ANK2: variants seen among roughly 807,000 people sequenced by gnomAD.
The protein encoded by ANK2 is ankyrin 2.
In ANK2, 83 loss-of-function variants were observed where a neutral mutation model predicts 360.5. That is an observed-to-expected ratio of 0.23 (90% CI 0.19 to 0.28). ANK2 has a LOEUF of 0.28. Among genes scored for constraint, ANK2 ranks in the 10% least tolerant of loss-of-function variants. ANK2 has a pLI of 1.00. For synonymous variants in ANK2, 1,740 were observed against 1,759.5 expected (o/e 0.99, Z 0.28); for missense variants, 4,201 against 4,795.7 (o/e 0.88, Z 3.66).
At chr4:113,219,848 T>C (rs1273877304) in intron 4 of ANK2, among the ~76,000 whole-genome samples, 2 of 152,208 alleles carry the variant, frequency 1.3e-5, no homozygotes, top group Non-Finnish European at 2.9e-5. Flanking sequence ...AACTATATTT[T>C]GGTATATACC....
chr4:113,297,658 T>C (rs886722353), intron 22 of ANK2, among the ~76,000 whole-genome samples: 2 of 152,154 alleles, frequency 1.3e-5, no homozygotes, highest in African/African-American at 4.8e-5. Flanking sequence ...TTTCTTTAAA[T>C]ATAGGTCCAT....
intron 13 of ANK2, among the ~76,000 whole-genome samples, chr4:113,261,775 C>T (rs2053055154): frequency 6.6e-6 from 1 of 151,982 alleles, no homozygotes; most frequent in Admixed American, 6.6e-5. Context: ...TCATCAATTT[C>T]AAGTGTGTAA....
At chr4:113,082,351 A>G (rs924459621) in intron 1 of ANK2, among the ~76,000 whole-genome samples, 3 of 151,030 alleles carry the variant, frequency 2.0e-5, no homozygotes, top group Non-Finnish European at 3.0e-5. Context: ...ATTGCCCAGG[A>G]TAGTCTCAAA....
At chr4:112,805,716 G>C in the ANK2 span, among the ~76,000 whole-genome samples, 2 of 151,880 alleles carry the variant, frequency 1.3e-5, no homozygotes, top group African/African-American at 4.8e-5. Context: ...TGAGTAGCTG[G>C]GATTACAGGC....
intron 37 of ANK2, chr4:113,350,631 A>G (rs1370795174): frequency 8.9e-6 from 2 of 223,466 alleles, no homozygotes; most frequent in African/African-American, 2.3e-5. Context: ...ATGTAATGCA[A>G]TAGTGACTTC....
chr4:112,736,210 C>T, the ANK2 span, among the ~76,000 whole-genome samples: 1 of 152,028 alleles, frequency 6.6e-6, no homozygotes, highest in African/African-American at 2.4e-5. Flanking sequence ...TGCCTGTAAT[C>T]CCAGCAGTTT....
intron 2 of ANK2, among the ~76,000 whole-genome samples, chr4:112,925,250 G>GT: frequency 6.6e-6 from 1 of 152,208 alleles, no homozygotes; most frequent in South Asian, 2.1e-4. Flanking sequence ...ATAAAAGCTA[G>GT]TTTTTTGAAA....
At chr4:112,734,485 G>C in the ANK2 span, among the ~76,000 whole-genome samples, 9 of 152,096 alleles carry the variant, frequency 5.9e-5, 1 homozygote, top group Admixed American at 1.3e-4. Flanking sequence ...ACTACTTATT[G>C]GAGAAAGTAT....
chr4:113,365,317 A>G, intron 41 of ANK2, 135 bp downstream of exon 41: 2 of 955,008 alleles, frequency 2.1e-6, no homozygotes, highest in Non-Finnish European at 3.2e-6. Flanking sequence ...TGGTGATCAT[A>G]TGTTCTTTTC....
chr4:112,929,786 C>T (rs888405492), intron 2 of ANK2, among the ~76,000 whole-genome samples: 1 of 152,230 alleles, frequency 6.6e-6, no homozygotes, highest in African/African-American at 2.4e-5. Context: ...TTAGTTCTCT[C>T]TCTCTCTGAG....
At chr4:113,268,938 A>G (rs2057363151) in intron 14 of ANK2, among the ~76,000 whole-genome samples, 1 of 152,178 alleles carries the variant, frequency 6.6e-6, no homozygotes, top group Non-Finnish European at 1.5e-5. Flanking sequence ...TTATTGGTCT[A>G]TTCAGGGATT....
At chr4:113,020,233 G>A (rs1380214975) in intron 2 of ANK2, among the ~76,000 whole-genome samples, 4 of 152,194 alleles carry the variant, frequency 2.6e-5, no homozygotes, top group Admixed American at 2.0e-4. Context: ...GCCCAAGGCC[G>A]GAGTATGTAG....
intron 23 of ANK2, among the ~76,000 whole-genome samples, chr4:113,306,840 A>G (rs1395185111): frequency 6.6e-6 from 1 of 152,248 alleles, no homozygotes; most frequent in Non-Finnish European, 1.5e-5. Context: ...CACAGCCATG[A>G]TATAAATAAC....
intron 18 of ANK2, among the ~76,000 whole-genome samples, chr4:113,287,333 T>G (rs905662882): frequency 6.6e-6 from 1 of 152,206 alleles, no homozygotes; most frequent in Non-Finnish European, 1.5e-5. Flanking sequence ...GGCTGTGCTA[T>G]TTTAAAGTCT....
the ANK2 span, among the ~76,000 whole-genome samples, chr4:112,721,640 T>C: frequency 7.2e-6 from 1 of 138,782 alleles, no homozygotes; most frequent in Admixed American, 7.4e-5. Context: ...CAATTTGGAG[T>C]GTGGGAGAAG....
chr4:113,339,190 T>C, intron 31 of ANK2, 36 bp from the exon 32 acceptor site: 1 of 1,542,996 alleles, frequency 6.5e-7, no homozygotes, highest in Non-Finnish European at 9.0e-7. Context: ...AGTCTGGAGT[T>C]TTGCCTGATT....
chr4:112,808,951 T>G, the ANK2 span, among the ~76,000 whole-genome samples: 1 of 152,046 alleles, frequency 6.6e-6, no homozygotes, highest in Non-Finnish European at 1.5e-5. Flanking sequence ...TCTGTCCCCC[T>G]GGATTCAAGT....
chr4:112,732,246 A>ATT, the ANK2 span, among the ~76,000 whole-genome samples: 49 of 134,212 alleles, frequency 3.7e-4, no homozygotes, highest in East Asian at 6.6e-4. Flanking sequence ...CAGAGTAGGG[A>ATT]TTTTTTTTTT....
At chr4:112,826,452 G>C in intron 1 of ANK2, 1 of 1,058,094 alleles carries the variant, frequency 9.5e-7, no homozygotes, top group Non-Finnish European at 1.4e-6. Context: ...TTCAGGTGCA[G>C]CTATTTGTCT....
Sources: gnomAD v4.1 joint callset for allele counts (sites outside exome capture counted in the v4.1 genomes callset) on GRCh38, gnomAD v4.1.1 for gene constraint, MANE v1.5 for transcripts, NCBI Gene and HGNC (gene_info 2026-07-23, HGNC 2026-07-21) for gene names.